Variants in GUCA1C observed in about 807,000 individuals in gnomAD.
GUCA1C encodes guanylate cyclase activator 1C, also known as guanylyl cyclase-activating protein 3.
Under a neutral mutation model 16.2 loss-of-function variants are expected in GUCA1C, and 15 were observed. The observed-to-expected ratio is 0.93, with a 90% CI of 0.62 to 1.43. The LOEUF is 1.43. Ranked by LOEUF, GUCA1C falls within the 40% of genes most tolerant of loss-of-function variation. The pLI, the probability that GUCA1C is intolerant of heterozygous loss-of-function variation, is 0.00. For missense variants in GUCA1C, 275 were observed against 244.8 expected (o/e 1.12, Z -0.82); for synonymous variants, 78 against 85.4 (o/e 0.91, Z 0.48).
At chr3:108,915,968 T>C (rs1946505828) in intron 3 of GUCA1C, 159 bp downstream of exon 3, 1 of 710,698 alleles carries the variant, frequency 1.4e-6, no homozygotes, top group South Asian at 2.1e-5. Context: ...ATTTACTCAA[T>C]TGAATCATAC....
intron 1 of GUCA1C, among the ~76,000 whole-genome samples, chr3:108,935,432 T>C (rs1163356184): frequency 6.6e-6 from 1 of 152,154 alleles, no homozygotes; most frequent in East Asian, 1.9e-4. Context: ...GGCTCATGCC[T>C]GTAATCCCAG....
chr3:108,943,643 G>A (rs1310243450), intron 1 of GUCA1C, among the ~76,000 whole-genome samples: 15 of 152,120 alleles, frequency 9.9e-5, no homozygotes, highest in African/African-American at 2.4e-4. Context: ...GCCCTCCTTC[G>A]TAAAGGAGGA....
At chr3:108,918,565 G>T (rs1017290955) in intron 2 of GUCA1C, among the ~76,000 whole-genome samples, 1 of 152,096 alleles carries the variant, frequency 6.6e-6, no homozygotes, top group Non-Finnish European at 1.5e-5. Flanking sequence ...TTGACCTGGG[G>T]GGTCCTACTA....
intron 1 of GUCA1C, among the ~76,000 whole-genome samples, chr3:108,950,672 C>T (rs986220461): frequency 6.6e-6 from 1 of 152,126 alleles, no homozygotes; most frequent in Admixed American, 6.5e-5. Flanking sequence ...TTATTTTAAG[C>T]ACTATCCTAA....
At chr3:108,952,739 C>G (rs891676905) in intron 1 of GUCA1C, among the ~76,000 whole-genome samples, 3 of 151,564 alleles carry the variant, frequency 2.0e-5, no homozygotes, top group Non-Finnish European at 2.9e-5. Flanking sequence ...TTTCTCTGTT[C>G]CTTTTTATTC....
chr3:108,928,092 CCA>C (rs1283616980), intron 1 of GUCA1C, among the ~76,000 whole-genome samples: 10 of 152,318 alleles, frequency 6.6e-5, no homozygotes, highest in Admixed American at 2.6e-4. Flanking sequence ...GTGGATACCA[CCA>C]CAGTTTTTCA....
chr3:108,913,483 T>G (rs1210846292), intron 3 of GUCA1C, among the ~76,000 whole-genome samples: 1 of 152,146 alleles, frequency 6.6e-6, no homozygotes, highest in Non-Finnish European at 1.5e-5. Flanking sequence ...CAAATCCTTT[T>G]GTACTTCTGC....
At chr3:108,911,857 GAA>G (rs1255069559) in intron 3 of GUCA1C, among the ~76,000 whole-genome samples, 2 of 152,028 alleles carry the variant, frequency 1.3e-5, no homozygotes, top group African/African-American at 4.8e-5. Flanking sequence ...TGTAATCCCT[GAA>G]CTTTGGGAGG....
At chr3:108,908,551 C>T (rs888949565) in intron 3 of GUCA1C, among the ~76,000 whole-genome samples, 1 of 152,170 alleles carries the variant, frequency 6.6e-6, no homozygotes, top group Non-Finnish European at 1.5e-5. Flanking sequence ...AGGAGCATGA[C>T]AGATTGGAGA....
At chr3:108,937,102 G>A (rs983995317) in intron 1 of GUCA1C, among the ~76,000 whole-genome samples, 2 of 152,106 alleles carry the variant, frequency 1.3e-5, no homozygotes, top group Non-Finnish European at 2.9e-5. Context: ...AAGGCCTGAC[G>A]TGTTCATCCT....
chr3:108,923,140 G>T lies in GUCA1C; in HGVS notation c.205-2555C>A, dbSNP rs545217748. On this transcript the variant is annotated intron_variant, in intron 1 of 3. Coordinates refer to ENST00000261047, the MANE Select transcript of GUCA1C (RefSeq NM_005459.4). ...CTATGGGTTGTCTGTAAACTCTGCTGATTATTTCTTTCGCTGCAGAAGCTT... is the reference window on the plus strand; with the variant it reads ...CTATGGGTTGTCTGTAAACTCTGCTTATTATTTCTTTCGCTGCAGAAGCTT... Among the ~76,000 whole-genome samples, 31 of 152,242 alleles carry T rather than the reference G, an allele frequency of 2.0e-4. No homozygotes were observed. In the South Asian group the frequency reaches 6.4e-3, roughly 32 times the overall value.
At chr3:108,946,592 TGTAAA>T (rs1946846343) in intron 1 of GUCA1C, among the ~76,000 whole-genome samples, 1 of 152,214 alleles carries the variant, frequency 6.6e-6, no homozygotes, top group African/African-American at 2.4e-5. Flanking sequence ...ATTATGTGCC[TGTAAA>T]GTATTCTTGC....
rs554574523 is a variant in GUCA1C, at chr3:108,934,557, G to A, written c.205-13972C>T. Among the ~76,000 whole-genome samples, 22 of 152,152 alleles carry A rather than the reference G, an allele frequency of 1.4e-4. No individual in the cohort carries two copies. In the South Asian group the frequency reaches 1.9e-3, roughly 13 times the overall value. On this transcript the variant is annotated intron_variant, in intron 1 of 3. Transcript: ENST00000261047. ...AAACAAATCATTCTACCAAAAAGAC[G>A]TATGCACTTGTAAGTTCACAACAGC...
chr3:108,950,082 C>T (rs1285662136), intron 1 of GUCA1C, among the ~76,000 whole-genome samples: 1 of 152,226 alleles, frequency 6.6e-6, no homozygotes, highest in Non-Finnish European at 1.5e-5. Context: ...AGCCATTCTA[C>T]TCTCTGCTTC....
intron 1 of GUCA1C, among the ~76,000 whole-genome samples, chr3:108,935,224 G>T (rs1345744213): frequency 6.6e-6 from 1 of 151,882 alleles, no homozygotes; most frequent in Non-Finnish European, 1.5e-5. Context: ...AGCAGGTGTT[G>T]AAAAACTACC....
At chr3:108,923,163 C>A (rs900653673) in intron 1 of GUCA1C, among the ~76,000 whole-genome samples, 2 of 152,124 alleles carry the variant, frequency 1.3e-5, no homozygotes, top group East Asian at 1.9e-4. Context: ...GCTGCAGAAG[C>A]TTTTTAGTTT....
At chr3:108,919,655 C>A (rs966882415) in intron 2 of GUCA1C, among the ~76,000 whole-genome samples, 1 of 152,038 alleles carries the variant, frequency 6.6e-6, no homozygotes, top group Non-Finnish European at 1.5e-5. Context: ...AAAAGTAGTT[C>A]TACTCACTTA....
chr3:108,910,045 C>T (rs1946433853), intron 3 of GUCA1C, among the ~76,000 whole-genome samples: 1 of 152,250 alleles, frequency 6.6e-6, no homozygotes, highest in South Asian at 2.1e-4. Context: ...AGAAGGCACA[C>T]ACTGACTAAT....
chr3:108,954,035 TAG>T, upstream of GUCA1C: 1 of 449,960 alleles, frequency 2.2e-6, no homozygotes, highest in Non-Finnish European at 4.0e-6. Flanking sequence ...CGCAATATTT[TAG>T]AGAGGGTGAT....
Sources: allele counts gnomAD v4.1 joint callset (sites outside exome capture counted in the v4.1 genomes callset), GRCh38; gene constraint gnomAD v4.1.1; transcripts MANE v1.5; gene names NCBI Gene and HGNC (gene_info 2026-07-23, HGNC 2026-07-21).